The following TCOF1 variants were observed in gnomAD, a reference collection of about 807,000 sequenced individuals.
TCOF1 encodes the protein treacle protein.
A neutral mutation model predicts 149.0 loss-of-function variants in TCOF1; 33 were observed. The ratio of observed to expected loss-of-function variants is 0.22; its 90% CI spans 0.17 to 0.30. The LOEUF is 0.30. TCOF1 is among the 10% of genes least tolerant of loss of function. The pLI is 1.00. For synonymous variants in TCOF1, 789 were observed against 738.8 expected, an observed-to-expected ratio of 1.07 and a Z score of -1.10; for missense variants, 1,728 against 1,840.7, an observed-to-expected ratio of 0.94 and a Z score of 1.12.
chr5:150,371,965 G>A, intron 6 of TCOF1, 41 bp from the exon 7 acceptor site: 3 of 1,567,594 alleles, frequency 1.9e-6, no homozygotes, highest in Non-Finnish European at 2.6e-6. Flanking sequence ...GGGGGAAACA[G>A]TAATTATTAT....
intron 6 of TCOF1, among the ~76,000 whole-genome samples, chr5:150,370,621 G>C (rs897125532): frequency 1.3e-5 from 2 of 152,156 alleles, no homozygotes; most frequent in Admixed American, 1.3e-4. Context: ...CTCCCAAAGT[G>C]CTGGGATTAC....
chr5:150,388,200 G>A, intron 18 of TCOF1, 112 bp downstream of exon 18: 3 of 1,446,896 alleles, frequency 2.1e-6, no homozygotes, highest in Non-Finnish European at 2.8e-6. Context: ...TGGTCGGGAG[G>A]GGCTTGGGGT....
intron 4 of TCOF1, 101 bp downstream of exon 4, chr5:150,368,018 C>T: frequency 7.6e-6 from 10 of 1,320,874 alleles, no homozygotes; most frequent in Non-Finnish European, 1.1e-5. Context: ...GAGTAATTGC[C>T]CCACCTGGAT....
rs1280138943 is a variant in TCOF1 at position 150,375,761 on chromosome 5, C to T, written c.1745C>T (p.Ser582Phe). Reference sequence around the variant, plus strand: ...AACATCCTCCAGGCCAAACCCACCTCCAGTCCTGCCAAGGGGCCCCCTCAG... The same window carrying T: ...AACATCCTCCAGGCCAAACCCACCTTCAGTCCTGCCAAGGGGCCCCCTCAG... ...LGNILQAKPT[S>F]SPAKGPPQKA... The change falls in exon 12 of 27, where the codon TCC (serine) becomes TTC (phenylalanine). Residue 582 changes from serine to phenylalanine, a missense_variant. Physicochemically the swap from Ser to Phe is radical, Grantham distance 155. Transcript: ENST00000643257. The T allele has an allele frequency of 6.2e-7, 1 of 1,614,270 alleles. No homozygotes were observed. Among genetic ancestry groups the T allele is most frequent in the South Asian group, 1.1e-5 (1 of 91,088 alleles).
At chr5:150,357,947 G>T in intron 1 of TCOF1, 93 bp downstream of exon 1, 1 of 1,374,062 alleles carries the variant, frequency 7.3e-7, no homozygotes, top group Non-Finnish European at 1.0e-6. Flanking sequence ...GACCCGGCAG[G>T]CGCCCGGAGC....
At chr5:150,375,303 G>T in intron 10 of TCOF1, 36 bp from the exon 11 acceptor site, 1 of 1,606,910 alleles carries the variant, frequency 6.2e-7, no homozygotes, top group Non-Finnish European at 8.5e-7. Context: ...TCTCCTTCTG[G>T]ACTCCCTCCC....
intron 20 of TCOF1, 150 bp downstream of exon 20, chr5:150,391,807 T>G: frequency 8.6e-7 from 1 of 1,157,572 alleles, no homozygotes; most frequent in Non-Finnish European, 1.3e-6. Context: ...TAAGAAGGAA[T>G]TACAGTACCT....
rs57777218 is a variant in TCOF1, at chr5:150,394,916, CAAA to C, written c.3785-1344_3785-1342del. ...TGGGCAACAGAGCAAAACTCTGTCTCAAAAAAAAAAAAAAAAAAAAAAAAGGCA... is the reference window on the plus strand; with the variant it reads ...TGGGCAACAGAGCAAAACTCTGTCTCAAAAAAAAAAAAAAAAAAAAAGGCA... On this transcript the variant is annotated intron_variant, in intron 23 of 26. Transcript: ENST00000643257. 346 of 71,854 alleles carry C rather than the reference CAAA, an allele frequency of 4.8e-3. 1 individual carries two copies. The highest frequency in any genetic ancestry group is 0.019 in the African/African-American group (330 of 17,824). The allele number at this position is 71,854 out of a possible 1,614,324, so 4.5% of individuals were successfully genotyped here.
rs1768492521 is a variant in TCOF1 at position 150,396,269 on chromosome 5, TC to T, written c.3785-12del. 1 of 1,613,872 alleles carries T rather than the reference TC, an allele frequency of 6.2e-7. No homozygotes were observed. The highest frequency in any genetic ancestry group is 2.2e-5 in the East Asian group (1 of 44,870). ...CTCTCCCAGATCTGTGACCCCACAT[TC>T]TCTCTCCATAGGTGGAAAAGAGGCT... On this transcript the variant is annotated splice_polypyrimidine_tract_variant and intron_variant, in intron 23 of 26. Transcript: ENST00000643257.
At chr5:150,387,068 A>G (rs907977014) in intron 17 of TCOF1, among the ~76,000 whole-genome samples, 1 of 152,336 alleles carries the variant, frequency 6.6e-6, no homozygotes, top group Non-Finnish European at 1.5e-5. Flanking sequence ...ACGCCCCTGG[A>G]TTACTTTGCA....
At chr5:150,366,588 G>T (rs1761397226) in intron 3 of TCOF1, among the ~76,000 whole-genome samples, 1 of 151,618 alleles carries the variant, frequency 6.6e-6, no homozygotes, top group South Asian at 2.1e-4. Flanking sequence ...GAGATGGAGT[G>T]AAGTGCCAGG....
intron 2 of TCOF1, among the ~76,000 whole-genome samples, chr5:150,361,878 G>A (rs898937338): frequency 6.6e-6 from 1 of 152,182 alleles, no homozygotes; most frequent in African/African-American, 2.4e-5. Flanking sequence ...CGCATGGATA[G>A]CCATGCATGG....
At chr5:150,365,808 A>G (rs138265305) in intron 3 of TCOF1, among the ~76,000 whole-genome samples, 64 of 151,942 alleles carry the variant, frequency 4.2e-4, no homozygotes, top group African/African-American at 1.4e-3. Context: ...CGGGTATGTA[A>G]TTTTATTTTT....
In TCOF1 at chr5:150,374,784, G is replaced by C; in HGVS notation, c.1251G>C (p.Ser417=). Residue 417 remains serine (S), a synonymous_variant, in exon 9 of 27, where the codon TCG becomes TCC. Coordinates refer to ENST00000643257, the MANE Select transcript of TCOF1 (RefSeq NM_001371623.1). Reference sequence around the variant, plus strand: ...ACTCGCAGAGCAGCAGCGAGGAATCGGACAGTGAGGAGGAGGCGCCTGCTC... The same window carrying C: ...ACTCGCAGAGCAGCAGCGAGGAATCCGACAGTGAGGAGGAGGCGCCTGCTC... ...EEDSQSSSEE[S]DSEEEAPAQA... 6.2e-7 allele frequency: 1 copy of C among 1,605,890 alleles called. No homozygotes were observed. Among genetic ancestry groups the C allele is most frequent in the African/African-American group, 1.4e-5 (1 of 72,772 alleles).
At chr5:150,377,067 A>G (rs760596643) in intron 14 of TCOF1, among the ~76,000 whole-genome samples, 21 of 152,352 alleles carry the variant, frequency 1.4e-4, no homozygotes, top group Admixed American at 2.6e-4. Flanking sequence ...CATCTGAGCC[A>G]TGGGCTGAAA....
chr5:150,364,377 C>G, intron 3 of TCOF1, 125 bp downstream of exon 3: 5 of 1,371,704 alleles, frequency 3.6e-6, no homozygotes, highest in Non-Finnish European at 5.0e-6. Flanking sequence ...ATTGGGAGGG[C>G]ACCACATATC....
intron 5 of TCOF1, among the ~76,000 whole-genome samples, 176 bp from the exon 6 acceptor site, chr5:150,369,353 A>T (rs1424795687): frequency 6.6e-6 from 1 of 152,150 alleles, no homozygotes; most frequent in Non-Finnish European, 1.5e-5. Flanking sequence ...GAACATAGGG[A>T]TGGTGATGGT....
At chr5:150,388,935 G>C (rs1414975570) in intron 18 of TCOF1, among the ~76,000 whole-genome samples, 1 of 151,946 alleles carries the variant, frequency 6.6e-6, no homozygotes, top group African/African-American at 2.4e-5. Context: ...CAAAAAAACA[G>C]AAAGCAGGCA....
At chr5:150,377,545 CAG>C (rs762576185) in intron 14 of TCOF1, among the ~76,000 whole-genome samples, 2 of 152,192 alleles carry the variant, frequency 1.3e-5, no homozygotes, top group Non-Finnish European at 2.9e-5. Flanking sequence ...TGTAACCACT[CAG>C]AAATTAGTCA....
Sources: gnomAD v4.1 joint callset for allele counts (sites outside exome capture counted in the v4.1 genomes callset) on GRCh38, gnomAD v4.1.1 for gene constraint, MANE v1.5 for transcripts, NCBI Gene and HGNC (gene_info 2026-07-23, HGNC 2026-07-21) for gene names.